TRIP12: variants seen among roughly 807,000 people sequenced by gnomAD.
The protein encoded by TRIP12 is thyroid hormone receptor interactor 12, also known as E3 ubiquitin-protein ligase TRIP12.
TRIP12 carries 25 observed loss-of-function variants against 244.2 expected under a neutral mutation model. The observed-to-expected ratio is 0.10, with a 90% confidence interval of 0.07 to 0.14. The LOEUF is 0.14. Ranked by LOEUF, TRIP12 falls within the 10% of genes least tolerant of loss-of-function variation. The pLI is 1.00. For synonymous variants in TRIP12, 905 were observed against 873.1 expected, an observed-to-expected ratio of 1.04 and a Z score of -0.64; for missense variants, 1,677 against 2,486.4, an observed-to-expected ratio of 0.67 and a Z score of 6.92.
In TRIP12 at chr2:229,799,034, G is replaced by C. The variant is rs1219276634; in HGVS notation, c.3323C>G (p.Thr1108Ser). The C allele has an allele frequency of 1.9e-6, 3 of 1,613,898 alleles. No individual in the cohort carries two copies. The highest frequency in any genetic ancestry group is 2.5e-6 in the Non-Finnish European group (3 of 1,180,010). The change falls in exon 23 of 42, where the codon ACT becomes AGT. Residue 1108 changes from threonine (T) to serine (S), a missense_variant. By Grantham distance (58) the Thr-to-Ser change is moderately conservative. Transcript: ENST00000675903. ...KVDNQAKSPT[T>S]TQSPKSSFLA... The stretch of plus-strand genomic sequence containing the variant: ...GAAAGAAGATTTAGGTGACTGAGTA[G>C]TGGTGGGGCTTTTAGCTATGAAAAG...
At chr2:229,850,930 C>T (rs2058560310) in intron 4 of TRIP12, among the ~76,000 whole-genome samples, 2 of 152,218 alleles carry the variant, frequency 1.3e-5, no homozygotes, top group African/African-American at 2.4e-5. Flanking sequence ...CTCGATTTCT[C>T]GCCGGGCCTT....
At chr2:229,913,523 TG>T (rs2154379160) in intron 1 of TRIP12, among the ~76,000 whole-genome samples, 1 of 152,356 alleles carries the variant, frequency 6.6e-6, no homozygotes, top group East Asian at 1.9e-4. Context: ...ATGCTAAATT[TG>T]GGGTAACCAA....
At chr2:229,832,002 C>T (rs1369511759) in intron 6 of TRIP12, among the ~76,000 whole-genome samples, 1 of 149,792 alleles carries the variant, frequency 6.7e-6, no homozygotes, top group African/African-American at 2.4e-5. Context: ...ATATTTTTGT[C>T]ATAATTGTTA....
intron 1 of TRIP12, chr2:229,900,896 G>C (rs1339336649): frequency 6.7e-6 from 1 of 150,274 alleles, no homozygotes; most frequent in African/African-American, 2.4e-5. Context: ...ACTGTAAATA[G>C]GTGAATTGTA....
intron 1 of TRIP12, among the ~76,000 whole-genome samples, chr2:229,883,833 C>A (rs191755215): frequency 2.6e-5 from 4 of 152,168 alleles, no homozygotes; most frequent in Admixed American, 2.0e-4. Context: ...TAACTCTACA[C>A]GCAAATACCA....
At chr2:229,773,355 T>A (rs1314554712) in intron 38 of TRIP12, among the ~76,000 whole-genome samples, 2 of 152,088 alleles carry the variant, frequency 1.3e-5, no homozygotes, top group Non-Finnish European at 2.9e-5. Context: ...ATTACGGGCA[T>A]GAGCCACCGT....
In TRIP12 at chr2:229,859,324, C is replaced by T. The variant is rs1239184290; in HGVS notation, c.475G>A (p.Asp159Asn). 6.2e-7 allele frequency: 1 copy of T among 1,614,056 alleles called. No homozygotes were observed. Among genetic ancestry groups the T allele is most frequent in the Non-Finnish European group, 8.5e-7 (1 of 1,180,042 alleles). Reference protein sequence around the residue: ...PHSKSKKRHLDQEQQLKSAQS... With the variant: ...PHSKSKKRHLNQEQQLKSAQS... ...GCAGATTTCAGTTGTTGCTCCTGGT[C>T]TAAATGTCTCTTCTTTGACTTACTA... The change falls in exon 4 of 42, where the codon GAC (aspartate) becomes AAC (asparagine). Residue 159 changes from aspartate (D) to asparagine (N), a missense_variant. Physicochemically the swap from Asp to Asn is conservative, Grantham distance 23. Transcript: ENST00000675903.
Position 229,859,358 on chromosome 2 carries a change from A to C in TRIP12, c.441T>G (p.Asn147Lys). Reference sequence around the variant, plus strand: ...TCTTCTTTGACTTACTATGTGGCTTATTTGTTTCTGAGGGAGATTCAGTAT... The same window carrying C: ...TCTTCTTTGACTTACTATGTGGCTTCTTTGTTTCTGAGGGAGATTCAGTAT... Reference protein sequence around the residue: ...LQHTESPSETNKPHSKSKKRH... With the variant: ...LQHTESPSETKKPHSKSKKRH... Residue 147 changes from asparagine (N) to lysine (K), a missense_variant, in exon 4 of 42, where the codon AAT becomes AAG. Coordinates refer to ENST00000675903, the MANE Select transcript of TRIP12 (RefSeq NM_001348323.3). The C allele has an allele frequency of 6.2e-7, 1 of 1,614,016 alleles. No individual in the cohort carries two copies. Among genetic ancestry groups the C allele is most frequent in the South Asian group, 1.1e-5 (1 of 91,086 alleles).
At chr2:229,869,654 C>T (rs931549285) in intron 2 of TRIP12, among the ~76,000 whole-genome samples, 2 of 152,128 alleles carry the variant, frequency 1.3e-5, no homozygotes, top group Non-Finnish European at 2.9e-5. Context: ...TGCTTACTAA[C>T]GTGGTGTTCA....
chr2:229,919,972 G>C (rs1560389087), intron 1 of TRIP12, among the ~76,000 whole-genome samples: 1 of 152,174 alleles, frequency 6.6e-6, no homozygotes, highest in Non-Finnish European at 1.5e-5. Flanking sequence ...ACTTAATATT[G>C]ATCACTTTGC....
chr2:229,879,252 A>T (rs1287248370), intron 2 of TRIP12, among the ~76,000 whole-genome samples: 1 of 152,186 alleles, frequency 6.6e-6, no homozygotes. Flanking sequence ...AGACTCTCAA[A>T]AACAAAAAAA....
chr2:229,805,341 T>G (rs781479749), intron 18 of TRIP12, among the ~76,000 whole-genome samples: 3 of 152,298 alleles, frequency 2.0e-5, no homozygotes, highest in South Asian at 2.1e-4. Flanking sequence ...AACCTGGTTT[T>G]GTTTTGTTTT....
intron 1 of TRIP12, chr2:229,921,266 C>G (rs1473960185): frequency 6.6e-6 from 1 of 152,530 alleles, no homozygotes; most frequent in African/African-American, 2.4e-5. Context: ...CAGGAAACCC[C>G]TTACTGCGGT....
At chr2:229,789,038 C>G (rs747108427) in intron 31 of TRIP12, 98 bp from the exon 32 acceptor site, 13 of 1,143,018 alleles carry the variant, frequency 1.1e-5, no homozygotes, top group Non-Finnish European at 1.5e-5. Flanking sequence ...GCAAAGTACC[C>G]TGAATTCACG....
rs765288387 is a variant in TRIP12 at position 229,836,949 on chromosome 2, G to A, written c.1169C>T (p.Ala390Val). 1 of 1,592,290 alleles carries A rather than the reference G, an allele frequency of 6.3e-7. No individual in the cohort carries two copies. Among genetic ancestry groups the A allele is most frequent in the South Asian group, 1.1e-5 (1 of 88,252 alleles). ...RGSGLGKRGAAEARRQEKMAD... is the reference protein window; with the variant it reads ...RGSGLGKRGAVEARRQEKMAD... ...CATTTTCTCCTGTCGACGAGCTTCAGCTGCTCCTCTTTTGCCCAGGCCAGA... is the reference window on the plus strand; with the variant it reads ...CATTTTCTCCTGTCGACGAGCTTCAACTGCTCCTCTTTTGCCCAGGCCAGA... Residue 390 changes from alanine (A) to valine (V), a missense_variant, in exon 6 of 42, where the codon GCT (alanine) becomes GTT (valine). Around this residue, in one of 11 missense-constraint regions of TRIP12, gnomAD observed 143 missense variants for 215.6 expected, o/e 0.66. Coordinates refer to ENST00000675903, the MANE Select transcript of TRIP12 (RefSeq NM_001348323.3).
intron 8 of TRIP12, among the ~76,000 whole-genome samples, chr2:229,822,820 G>T (rs1168921386): frequency 2.6e-5 from 4 of 151,970 alleles, no homozygotes; most frequent in Admixed American, 2.0e-4. Flanking sequence ...AAGCAAAGAT[G>T]GACAAAATTG....
intron 2 of TRIP12, among the ~76,000 whole-genome samples, chr2:229,861,528 TA>T (rs1190005062): frequency 6.6e-6 from 1 of 152,032 alleles, no homozygotes; most frequent in Non-Finnish European, 1.5e-5. Context: ...ATTTACTTGT[TA>T]AAAAAAAGTT....
chr2:229,844,057 T>C (rs1368772129), intron 4 of TRIP12, among the ~76,000 whole-genome samples: 1 of 152,220 alleles, frequency 6.6e-6, no homozygotes, highest in East Asian at 1.9e-4. Flanking sequence ...TAATTAAAAC[T>C]GTATGTATCC....
In TRIP12 at chr2:229,777,437, G is replaced by A. The variant is rs752354696; in HGVS notation, c.5407C>T (p.Arg1803Trp). The change falls in exon 37 of 42, where the codon CGG becomes TGG. Residue 1803 changes from arginine to tryptophan, a missense_variant. Transcript: ENST00000675903. ...TGTGATGTCAGTGAAGTTTCTTGCC[G>A]TAGCATCCATTTATAAAAGGGTAAG... is the stretch of plus-strand genomic sequence containing the variant. ...LGLPFYKWML[R>W]QETSLTSHDL... The A allele has an allele frequency of 3.1e-6, 5 of 1,613,850 alleles. No homozygotes were observed. Among genetic ancestry groups the A allele is most frequent in the East Asian group, 2.2e-5 (1 of 44,870 alleles).
Sources: gnomAD v4.1 joint callset for allele counts (sites outside exome capture counted in the v4.1 genomes callset) on GRCh38, gnomAD v4.1.1 for gene constraint, gnomAD v4.1.1 regional missense constraint, MANE v1.5 for transcripts, NCBI Gene and HGNC (gene_info 2026-07-23, HGNC 2026-07-21) for gene names.